Variants in CEMIP2 observed in about 807,000 individuals in gnomAD.
The protein encoded by CEMIP2 is cell surface hyaluronidase CEMIP2.
Under a neutral mutation model 146.9 loss-of-function variants are expected in CEMIP2, and 79 were observed. The ratio of observed to expected loss-of-function variants is 0.54; its 90% CI spans 0.45 to 0.65. The LOEUF is 0.65. Ranked by LOEUF, CEMIP2 falls within the 30% of genes least tolerant of loss-of-function variation. The probability of loss-of-function intolerance (pLI) is 0.00; values close to 1 mark genes in which losing one functional copy is unlikely to be tolerated. For missense variants in CEMIP2, 1,596 were observed against 1,696.2 expected (o/e 0.94, Z 1.04); for synonymous variants, 601 against 606.3 (o/e 0.99, Z 0.13).
chr9:71,728,270 T>C (rs1351507106), intron 10 of CEMIP2, among the ~76,000 whole-genome samples: 2 of 10,488 alleles, frequency 1.9e-4, no homozygotes, highest in African/African-American at 3.4e-4. Context: ...CGTATATATA[T>C]ATATATATAT....
chr9:71,698,688 T>G (rs1822469984), intron 19 of CEMIP2, among the ~76,000 whole-genome samples: 1 of 152,240 alleles, frequency 6.6e-6, no homozygotes, highest in Admixed American at 6.5e-5. Flanking sequence ...CTCAAATCAA[T>G]TCCTGTGATA....
chr9:71,739,071 T>G (rs138249936), intron 5 of CEMIP2, among the ~76,000 whole-genome samples: 3,482 of 152,290 alleles, frequency 0.023, 71 homozygotes, highest in Non-Finnish European at 0.035. Flanking sequence ...AAGAAAATTT[T>G]CTACCTCTTC....
At chr9:71,748,809 C>G (rs1341849316) in intron 2 of CEMIP2, among the ~76,000 whole-genome samples, 1 of 152,198 alleles carries the variant, frequency 6.6e-6, no homozygotes, top group Non-Finnish European at 1.5e-5. Flanking sequence ...CTAGCACTAC[C>G]TCTCCCAGAA....
At chr9:71,756,443 C>T (rs922014389) in intron 1 of CEMIP2, among the ~76,000 whole-genome samples, 1 of 150,854 alleles carries the variant, frequency 6.6e-6, no homozygotes, top group Admixed American at 6.6e-5. Flanking sequence ...TCTAAGCATA[C>T]TCCCAAAGAA....
At chr9:71,696,865 T>G (rs374351008) in intron 20 of CEMIP2, among the ~76,000 whole-genome samples, 5 of 147,182 alleles carry the variant, frequency 3.4e-5, no homozygotes, top group African/African-American at 1.2e-4. Flanking sequence ...CTTACTGCCA[T>G]GAATGGATAT....
At chr9:71,715,648 A>ATATATATATATATAT (rs967444649) in intron 14 of CEMIP2, among the ~76,000 whole-genome samples, 16 of 134,204 alleles carry the variant, frequency 1.2e-4, no homozygotes, top group Non-Finnish European at 2.2e-4. Context: ...ATATATATAT[A>ATATATATATATATAT]CTTTTTTTTT....
chr9:71,762,626 C>A (rs1824671314), intron 1 of CEMIP2, among the ~76,000 whole-genome samples: 2 of 151,914 alleles, frequency 1.3e-5, no homozygotes, highest in Non-Finnish European at 2.9e-5. Context: ...AAGATTAAAG[C>A]CAACCTCAGA....
chr9:71,700,119 C>T (rs1326148631), intron 19 of CEMIP2, among the ~76,000 whole-genome samples: 1 of 152,130 alleles, frequency 6.6e-6, no homozygotes, highest in Non-Finnish European at 1.5e-5. Flanking sequence ...GAGACTGTAA[C>T]TGGGTAAAAG....
intron 17 of CEMIP2, among the ~76,000 whole-genome samples, chr9:71,705,723 T>C (rs916375116): frequency 6.7e-6 from 1 of 149,972 alleles, no homozygotes; most frequent in Non-Finnish European, 1.5e-5. Context: ...ATATAATATA[T>C]ATTAATTTAA....
intron 2 of CEMIP2, among the ~76,000 whole-genome samples, chr9:71,748,506 T>A (rs1824152219): frequency 6.6e-6 from 1 of 152,192 alleles, no homozygotes; most frequent in Non-Finnish European, 1.5e-5. Flanking sequence ...AATGCCCTGT[T>A]TTAGATGGAA....
At chr9:71,728,217 CTCTCTCTCTCTCTCTA>C (rs1372699443) in intron 10 of CEMIP2, among the ~76,000 whole-genome samples, 4 of 37,110 alleles carry the variant, frequency 1.1e-4, no homozygotes, top group Non-Finnish European at 2.5e-4. Flanking sequence ...CTCTCTCTCT[CTCTCTCTCTCTCTCTA>C]TATATATATA....
At position 71,694,573 on chromosome 9, in the gene CEMIP2, A is replaced by C. The variant is rs1259716739; in HGVS notation, c.3632T>G (p.Leu1211Arg). 6 of 1,613,832 alleles carry C rather than the reference A, an allele frequency of 3.7e-6. No homozygotes were observed. ...ATCAGGTGACTGGAATTGCACAGGG[A>C]GGTAACTTTTATGAGGATCACTAGT... ...VFTSDPHKSY[L>R]PVQFQSPDKA... Residue 1211 changes from leucine to arginine, a missense_variant, in exon 21 of 24, where the codon CTC (leucine) becomes CGC (arginine). Physicochemically the swap from Leu to Arg is moderately radical, Grantham distance 102. Transcript: ENST00000377044.
intron 18 of CEMIP2, 29 bp from the exon 19 acceptor site, chr9:71,700,853 T>C (rs770922607): frequency 1.3e-6 from 2 of 1,582,384 alleles, no homozygotes; most frequent in East Asian, 2.2e-5. Flanking sequence ...AAAAAATTAG[T>C]TTACACTTCA....
intron 16 of CEMIP2, 88 bp downstream of exon 16, chr9:71,711,995 C>G (rs916460239): frequency 1.2e-5 from 18 of 1,440,754 alleles, no homozygotes; most frequent in Non-Finnish European, 1.6e-5. Flanking sequence ...AGACTCGGTG[C>G]AAATCCTTTG....
intron 10 of CEMIP2, among the ~76,000 whole-genome samples, chr9:71,728,269 A>ACACG (rs1564012344): frequency 1.3e-4 from 2 of 15,086 alleles, no homozygotes; most frequent in African/African-American, 1.6e-4. Context: ...ACGTATATAT[A>ACACG]TATATATATA....
At chr9:71,749,508 C>A (rs1824184235) in intron 2 of CEMIP2, among the ~76,000 whole-genome samples, 1 of 151,868 alleles carries the variant, frequency 6.6e-6, no homozygotes, top group South Asian at 2.1e-4. Context: ...GAGTTCGAGA[C>A]CAGCCTGGCC....
Position 71,698,089 on chromosome 9 carries a change from T to C in CEMIP2, c.3493A>G (p.Asn1165Asp), listed in dbSNP as rs1563996626. 1 of 1,614,184 alleles carries C rather than the reference T, an allele frequency of 6.2e-7. No homozygotes were observed. Among genetic ancestry groups the C allele is most frequent in the East Asian group, 2.2e-5 (1 of 44,882 alleles). The change falls in exon 20 of 24, where the codon AAC becomes GAC. Residue 1165 changes from asparagine (N) to aspartate (D), a missense_variant. Coordinates refer to ENST00000377044, the MANE Select transcript of CEMIP2 (RefSeq NM_013390.3). Reference protein sequence around the residue: ...QAATDSKDISNCMAKAYPQYY... With the variant: ...QAATDSKDISDCMAKAYPQYY... ...TGTGGGTATGCTTTGGCCATGCAGT[T>C]ACTGATGTCCTTTGAGTCTGTGGCT...
At position 71,687,771 on chromosome 9, in the gene CEMIP2, T is replaced by C. The variant is rs7848538; in HGVS notation, c.3852-1925A>G. Reference sequence around the variant, plus strand: ...GTCCCAGCTACTTGGAAGGCTGAAGTAGGAGGGTCACTTGAGCCTGAGAGG... The same window carrying C: ...GTCCCAGCTACTTGGAAGGCTGAAGCAGGAGGGTCACTTGAGCCTGAGAGG... On this transcript the variant is annotated intron_variant, in intron 22 of 23. Coordinates refer to ENST00000377044, the MANE Select transcript of CEMIP2 (RefSeq NM_013390.3). Among the ~76,000 whole-genome samples the C allele has an allele frequency of 4.2e-3, 645 of 152,250 alleles. 4 individuals are homozygous for C. Among genetic ancestry groups the C allele is most frequent in the African/African-American group, 0.015 (603 of 41,556 alleles).
intron 21 of CEMIP2, among the ~76,000 whole-genome samples, chr9:71,690,734 C>T (rs1822204271): frequency 6.6e-6 from 1 of 152,138 alleles, no homozygotes; most frequent in South Asian, 2.1e-4. Context: ...TTGTAGTTTG[C>T]TACAAATAAT....
Sources: gnomAD v4.1 joint callset for allele counts (sites outside exome capture counted in the v4.1 genomes callset) on GRCh38, gnomAD v4.1.1 for gene constraint, MANE v1.5 for transcripts, NCBI Gene and HGNC (gene_info 2026-07-23, HGNC 2026-07-21) for gene names.